The following SAMD12 variants were observed in gnomAD, a reference collection of about 807,000 sequenced individuals.
SAMD12 encodes sterile alpha motif domain-containing protein 12.
A neutral mutation model predicts 15.0 loss-of-function variants in SAMD12; 9 were observed. The ratio of observed to expected loss-of-function variants is 0.60; its 90% CI spans 0.36 to 1.05. SAMD12 has a LOEUF of 1.05. Among genes scored for constraint, SAMD12 ranks in the 50% least tolerant of loss-of-function variants. The probability of loss-of-function intolerance (pLI) is 0.01; values close to 1 mark genes in which losing one functional copy is unlikely to be tolerated. For missense variants in SAMD12, 230 were observed against 234.2 expected, an observed-to-expected ratio of 0.98 and a Z score of 0.12; for synonymous variants, 86 against 90.1, an observed-to-expected ratio of 0.96 and a Z score of 0.25.
chr8:118,427,618 A>AT (rs34820239), intron 3 of SAMD12, among the ~76,000 whole-genome samples: 81,636 of 151,984 alleles, frequency 0.54, 24,336 homozygotes, highest in Non-Finnish European at 0.65. Context: ...CATTGTGTGC[A>AT]CAGTAGTAGG....
chr8:118,459,402 C>T (rs898759010), intron 2 of SAMD12, among the ~76,000 whole-genome samples: 1 of 152,136 alleles, frequency 6.6e-6, no homozygotes, highest in African/African-American at 2.4e-5. Context: ...ATTAACTTTG[C>T]AGTTCCTATT....
intron 4 of SAMD12, among the ~76,000 whole-genome samples, chr8:118,253,369 C>A (rs1812862416): frequency 6.6e-6 from 1 of 152,178 alleles, no homozygotes; most frequent in East Asian, 1.9e-4. Flanking sequence ...ATATTCTATA[C>A]AATTTCTGTA....
chr8:118,148,409 GAA>G, the SAMD12 span, among the ~76,000 whole-genome samples: 1 of 152,008 alleles, frequency 6.6e-6, no homozygotes, highest in Non-Finnish European at 1.5e-5. Context: ...GTAGTTATTA[GAA>G]AAAAATGTTT....
chr8:118,308,822 C>A (rs943285866), intron 4 of SAMD12, among the ~76,000 whole-genome samples: 8 of 151,834 alleles, frequency 5.3e-5, no homozygotes, highest in African/African-American at 1.5e-4. Flanking sequence ...CCATTTTATT[C>A]TGCACCCTGC....
At chr8:118,348,666 C>T (rs1322302091) in intron 4 of SAMD12, among the ~76,000 whole-genome samples, 2 of 152,186 alleles carry the variant, frequency 1.3e-5, no homozygotes, top group Non-Finnish European at 2.9e-5. Flanking sequence ...GCCACCGCAC[C>T]CGGCCCGCTT....
intron 4 of SAMD12, among the ~76,000 whole-genome samples, chr8:118,349,499 A>G (rs1335759462): frequency 6.6e-6 from 1 of 152,232 alleles, no homozygotes; most frequent in Non-Finnish European, 1.5e-5. Flanking sequence ...TGTCATGTCC[A>G]TAACTATTCT....
the SAMD12 span, among the ~76,000 whole-genome samples, chr8:118,170,075 T>C: frequency 6.6e-6 from 1 of 152,166 alleles, no homozygotes; most frequent in African/African-American, 2.4e-5. Flanking sequence ...CTATAAATTA[T>C]ATGCATCATA....
At chr8:118,581,162 A>G (rs944622439) in intron 1 of SAMD12, among the ~76,000 whole-genome samples, 6 of 152,200 alleles carry the variant, frequency 3.9e-5, no homozygotes, top group Admixed American at 3.9e-4. Context: ...TCCAAATGTT[A>G]CAGATGAGAA....
intron 4 of SAMD12, among the ~76,000 whole-genome samples, chr8:118,304,624 G>T (rs1223565328): frequency 1.3e-5 from 2 of 151,976 alleles, no homozygotes; most frequent in Admixed American, 1.3e-4. Flanking sequence ...CCCGGGAGTG[G>T]TGGTGTGCGC....
rs999431305 is a variant in SAMD12 at position 118,504,424 on chromosome 8, G to A, written c.193-64463C>T. 5.9e-5 allele frequency among the ~76,000 whole-genome samples: 9 copies of A among 152,324 alleles called. No homozygotes were observed. The East Asian group carries it at 1.5e-3, about 26-fold the overall frequency. ...GCTGTCAATCATTCTCTCACAGATG[G>A]TGAGACAGTCTGGGGTATGTGTCTT... On this transcript the variant is annotated intron_variant, in intron 2 of 3. Coordinates refer to ENST00000314727, the MANE Select transcript of SAMD12 (RefSeq NM_207506.3).
intron 3 of SAMD12, among the ~76,000 whole-genome samples, chr8:118,424,938 AATT>A (rs1822176742): frequency 8.2e-6 from 1 of 121,890 alleles, no homozygotes; most frequent in African/African-American, 2.9e-5. Flanking sequence ...GTGGTATATT[AATT>A]TTTTTTTTTT....
At chr8:118,155,936 G>C in the SAMD12 span, among the ~76,000 whole-genome samples, 1 of 152,314 alleles carries the variant, frequency 6.6e-6, no homozygotes, top group South Asian at 2.1e-4. Context: ...CACAGGCATA[G>C]AAGTAAATCC....
chr8:118,194,495 C>T (rs546675713), exon 5 of SAMD12: 95 of 152,228 alleles, frequency 6.2e-4, no homozygotes, highest in African/African-American at 2.1e-3. Flanking sequence ...ATAAGCGAAT[C>T]CCCTTGGCAC....
intron 3 of SAMD12, among the ~76,000 whole-genome samples, chr8:118,416,493 A>G (rs556205711): frequency 1.3e-5 from 2 of 152,368 alleles, no homozygotes; most frequent in South Asian, 4.1e-4. Context: ...GCAGAATCAA[A>G]TAACAAAGAC....
intron 2 of SAMD12, among the ~76,000 whole-genome samples, chr8:118,567,917 T>C (rs1427402549): frequency 6.6e-6 from 1 of 152,044 alleles, no homozygotes; most frequent in Admixed American, 6.5e-5. Flanking sequence ...TATCCTATTA[T>C]AAGAATTCAT....
At chr8:118,150,488 C>T in the SAMD12 span, among the ~76,000 whole-genome samples, 1 of 152,068 alleles carries the variant, frequency 6.6e-6, no homozygotes, top group Non-Finnish European at 1.5e-5. Flanking sequence ...TTAAATGATC[C>T]TCTCACCTCG....
At chr8:118,404,955 C>T (rs756584076) in intron 3 of SAMD12, among the ~76,000 whole-genome samples, 3 of 152,142 alleles carry the variant, frequency 2.0e-5, no homozygotes, top group South Asian at 4.1e-4. Flanking sequence ...AACCACCATG[C>T]CCAGCCTACT....
intron 3 of SAMD12, among the ~76,000 whole-genome samples, chr8:118,418,254 T>C (rs1304596635): frequency 1.3e-5 from 2 of 152,244 alleles, no homozygotes. Context: ...TAGTGGTTTA[T>C]GCAGCAGTCT....
intron 2 of SAMD12, among the ~76,000 whole-genome samples, chr8:118,445,531 G>A (rs1026274486): frequency 2.0e-5 from 3 of 152,030 alleles, no homozygotes; most frequent in Non-Finnish European, 4.4e-5. Flanking sequence ...AAGTTAACAG[G>A]TAAAAGAAGA....
Sources: allele counts gnomAD v4.1 joint callset (sites outside exome capture counted in the v4.1 genomes callset), GRCh38; gene constraint gnomAD v4.1.1; transcripts MANE v1.5; gene names NCBI Gene and HGNC (gene_info 2026-07-23, HGNC 2026-07-21).